The following SPRED1 variants were observed in gnomAD, a reference collection of about 807,000 sequenced individuals.
The protein encoded by SPRED1 is sprouty related EVH1 domain containing 1, also known as sprouty-related, EVH1 domain-containing protein 1.
SPRED1 carries 18 observed loss-of-function variants against 52.3 expected under a neutral mutation model. The observed-to-expected ratio is 0.34, with a 90% CI of 0.24 to 0.51. SPRED1 has a LOEUF of 0.51. Among genes scored for constraint, SPRED1 ranks in the 20% least tolerant of loss-of-function variants. SPRED1 has a pLI of 0.97. For missense variants in SPRED1, 485 were observed against 551.0 expected, an observed-to-expected ratio of 0.88 and a Z score of 1.20; for synonymous variants, 155 against 179.7, an observed-to-expected ratio of 0.86 and a Z score of 1.10.
chr15:38,314,533 T>C (rs900336395), intron 2 of SPRED1, among the ~76,000 whole-genome samples: 4 of 151,880 alleles, frequency 2.6e-5, no homozygotes, highest in Non-Finnish European at 5.9e-5. Flanking sequence ...TTTATTCCTC[T>C]ATTGGTTGTT....
chr15:38,330,363 A>G (rs892864314), intron 4 of SPRED1, among the ~76,000 whole-genome samples: 2 of 152,172 alleles, frequency 1.3e-5, no homozygotes, highest in Admixed American at 1.3e-4. Context: ...GTCAAAGCTC[A>G]TAGACAAATA....
At chr15:38,335,086 C>A (rs757129821) in intron 4 of SPRED1, among the ~76,000 whole-genome samples, 91 of 152,030 alleles carry the variant, frequency 6.0e-4, no homozygotes, top group Non-Finnish European at 1.1e-3. Flanking sequence ...TATATACTTA[C>A]ATTCCATTTC....
chr15:38,304,485 T>G (rs1254839737), intron 2 of SPRED1, among the ~76,000 whole-genome samples: 1 of 152,234 alleles, frequency 6.6e-6, no homozygotes, highest in Non-Finnish European at 1.5e-5. Flanking sequence ...AGTATTGTTA[T>G]TGTTCCTTAT....
At chr15:38,269,252 T>C (rs1478740160) in intron 1 of SPRED1, among the ~76,000 whole-genome samples, 1 of 151,960 alleles carries the variant, frequency 6.6e-6, no homozygotes, top group East Asian at 1.9e-4. Context: ...AGTACTAACT[T>C]TTTTTTAAGA....
Position 38,356,153 on chromosome 15 carries a change from T to C in SPRED1, c.*4489T>C, listed in dbSNP as rs1888615265. ...AACATTTCCAGTGTGTAGTGTCGTT[T>C]GCTTTCTATTTCTGACCTCAAAAGT... is the stretch of plus-strand genomic sequence containing the variant. On this transcript the variant is annotated 3_prime_UTR_variant, in exon 7 of 7. Transcript: ENST00000299084. The C allele has an allele frequency of 6.6e-6, 1 of 152,194 alleles. No individual in the cohort carries two copies. The highest frequency in any genetic ancestry group is 2.1e-4 in the South Asian group (1 of 4,832). 9.4% of individuals were successfully genotyped at this position (152,194 alleles called of 1,614,324 possible). A position where few individuals can be genotyped will look rare whatever the true frequency, so the allele number is the denominator to read the frequency against.
intron 1 of SPRED1, among the ~76,000 whole-genome samples, chr15:38,273,596 T>C (rs1235827151): frequency 2.7e-5 from 4 of 149,828 alleles, no homozygotes; most frequent in Middle Eastern, 3.5e-3. Flanking sequence ...TGTAGGACTT[T>C]AGTGTTTTTA....
chr15:38,327,456 T>G (rs1895728362), intron 4 of SPRED1, among the ~76,000 whole-genome samples: 1 of 152,130 alleles, frequency 6.6e-6, no homozygotes, highest in South Asian at 2.1e-4. Flanking sequence ...TGAGGGTAGA[T>G]CCTAAGAAAA....
intron 1 of SPRED1, among the ~76,000 whole-genome samples, chr15:38,274,610 T>G (rs1476385782): frequency 2.0e-5 from 3 of 152,224 alleles, no homozygotes; most frequent in African/African-American, 7.2e-5. Context: ...AATATTATTA[T>G]CAACTGGCAA....
At chr15:38,299,734 T>A (rs916111954) in intron 2 of SPRED1, among the ~76,000 whole-genome samples, 187 bp downstream of exon 2, 1 of 151,978 alleles carries the variant, frequency 6.6e-6, no homozygotes, top group Admixed American at 6.6e-5. Flanking sequence ...TTGATACACA[T>A]TTGTTGGGGG....
chr15:38,259,635 A>T (rs1187601402), intron 1 of SPRED1, among the ~76,000 whole-genome samples: 1 of 152,248 alleles, frequency 6.6e-6, no homozygotes, highest in African/African-American at 2.4e-5. Flanking sequence ...CAACTTGATT[A>T]GTTCTACAAG....
At chr15:38,327,326 G>A (rs932219680) in intron 4 of SPRED1, among the ~76,000 whole-genome samples, 4 of 152,020 alleles carry the variant, frequency 2.6e-5, no homozygotes, top group Admixed American at 2.6e-4. Context: ...TTTAAAATAC[G>A]GAAACATTAT....
intron 1 of SPRED1, among the ~76,000 whole-genome samples, chr15:38,291,364 A>G (rs774477065): frequency 9.8e-5 from 15 of 152,296 alleles, no homozygotes; most frequent in Non-Finnish European, 2.2e-4. Context: ...TTCCAGACAC[A>G]TGGTGGAAGC....
intron 3 of SPRED1, 88 bp downstream of exon 3, chr15:38,322,497 C>A: frequency 7.3e-7 from 1 of 1,375,112 alleles, no homozygotes; most frequent in Non-Finnish European, 1.0e-6. Context: ...AAGTAGTTTT[C>A]ACACTTTAAC....
In SPRED1 at chr15:38,351,330, G is replaced by A. The variant is rs146702985; in HGVS notation, c.1001G>A (p.Arg334His). The change falls in exon 7 of 7, where the codon CGC (arginine) becomes CAC (histidine). Residue 334 changes from arginine to histidine, a missense_variant. Physicochemically the swap from Arg to His is conservative, Grantham distance 29 (BLOSUM62 0). This residue lies in a region of SPRED1 where 205 missense variants were observed against 245.2 expected (regional missense o/e 0.84). Transcript: ENST00000299084. ...KRRKEDGERSRCVYCQERFNH... is the reference protein window; with the variant it reads ...KRRKEDGERSHCVYCQERFNH... ...AGAAAAGAGGATGGTGAACGTTCTC[G>A]CTGCGTATACTGCCAGGAAAGGTTT... 16 of 1,613,974 alleles carry A rather than the reference G, an allele frequency of 9.9e-6. 1 individual carries two copies. Among genetic ancestry groups the A allele is most frequent in the East Asian group, 4.5e-5 (2 of 44,896 alleles).
chr15:38,336,532 G>A (rs1233436007), intron 4 of SPRED1, among the ~76,000 whole-genome samples: 1 of 149,490 alleles, frequency 6.7e-6, no homozygotes, highest in African/African-American at 2.5e-5. Context: ...TACATTTCCT[G>A]AAGTTTTCTA....
chr15:38,312,464 C>A (rs1271927129), intron 2 of SPRED1, among the ~76,000 whole-genome samples: 1 of 152,040 alleles, frequency 6.6e-6, no homozygotes, highest in Admixed American at 6.6e-5. Context: ...CATATTAATT[C>A]CTAATTAGGA....
intron 4 of SPRED1, among the ~76,000 whole-genome samples, chr15:38,333,242 T>C (rs1236456507): frequency 6.6e-6 from 1 of 152,164 alleles, no homozygotes; most frequent in Non-Finnish European, 1.5e-5. Flanking sequence ...CAACAAAGAC[T>C]TTTTGATGAG....
intron 1 of SPRED1, among the ~76,000 whole-genome samples, chr15:38,278,713 A>G (rs1360587764): frequency 1.3e-5 from 2 of 152,122 alleles, no homozygotes; most frequent in Non-Finnish European, 2.9e-5. Context: ...ATGATACCTA[A>G]TACAATGCAA....
At chr15:38,321,352 G>A (rs1393590081) in intron 2 of SPRED1, among the ~76,000 whole-genome samples, 1 of 152,094 alleles carries the variant, frequency 6.6e-6, no homozygotes, top group African/African-American at 2.4e-5. Context: ...ATTGCTTCAT[G>A]CATTGCATGA....
Sources: gnomAD v4.1 joint callset for allele counts (sites outside exome capture counted in the v4.1 genomes callset) on GRCh38, gnomAD v4.1.1 for gene constraint, gnomAD v4.1.1 regional missense constraint, MANE v1.5 for transcripts, NCBI Gene and HGNC (gene_info 2026-07-23, HGNC 2026-07-21) for gene names.